Variants in TRAK1 observed in about 807,000 individuals in gnomAD.
TRAK1 encodes the protein trafficking kinesin-binding protein 1.
Under a neutral mutation model 92.1 loss-of-function variants are expected in TRAK1, and 33 were observed. That is an observed-to-expected ratio of 0.36 (90% CI 0.27 to 0.48). The LOEUF (loss-of-function observed/expected upper bound fraction) is 0.48, where lower values mean the gene tolerates loss of function less well. TRAK1 is among the 20% of genes least tolerant of loss of function. TRAK1 has a pLI of 0.99. For missense variants in TRAK1, 1,123 were observed against 1,257.9 expected, an observed-to-expected ratio of 0.89 and a Z score of 1.62; for synonymous variants, 521 against 517.3, an observed-to-expected ratio of 1.01 and a Z score of -0.10.
At chr3:42,157,148 T>G (rs1023351770) in intron 2 of TRAK1, among the ~76,000 whole-genome samples, 2 of 148,364 alleles carry the variant, frequency 1.3e-5, no homozygotes, top group African/African-American at 5.0e-5. Flanking sequence ...TGAGACTCTG[T>G]CTGGAAAAAA....
intron 2 of TRAK1, among the ~76,000 whole-genome samples, chr3:42,131,927 G>A (rs146112357): frequency 0.019 from 2,910 of 150,278 alleles, 93 homozygotes; most frequent in African/African-American, 0.068. Flanking sequence ...AAAAAGCTGG[G>A]TGTGATGGTA....
At chr3:42,103,585 C>T (rs931536947) in intron 1 of TRAK1, among the ~76,000 whole-genome samples, 11 of 152,078 alleles carry the variant, frequency 7.2e-5, no homozygotes, top group Admixed American at 4.6e-4. Context: ...GAGTGGTCAT[C>T]GATGCTATTC....
chr3:42,111,425 T>A (rs1378584578), intron 1 of TRAK1, among the ~76,000 whole-genome samples: 2 of 150,726 alleles, frequency 1.3e-5, no homozygotes, highest in African/African-American at 4.9e-5. Context: ...AGACGGAGTC[T>A]CACTCTGTCG....
chr3:42,201,197 G>T, intron 12 of TRAK1, 143 bp downstream of exon 12: 1 of 870,272 alleles, frequency 1.1e-6, no homozygotes, highest in Non-Finnish European at 1.8e-6. Flanking sequence ...GGTGGCTCGC[G>T]CCTATAATCC....
At chr3:42,190,561 C>G (rs914270991) in intron 6 of TRAK1, among the ~76,000 whole-genome samples, 1 of 152,108 alleles carries the variant, frequency 6.6e-6, no homozygotes, top group Non-Finnish European at 1.5e-5. Flanking sequence ...CAGCACCTGC[C>G]CCAGGTAAAT....
At chr3:42,189,618 C>T (rs1705386498) in intron 6 of TRAK1, among the ~76,000 whole-genome samples, 1 of 152,078 alleles carries the variant, frequency 6.6e-6, no homozygotes, top group African/African-American at 2.4e-5. Flanking sequence ...GCAACCTTCG[C>T]CTCCCAGGTT....
rs139691590 is a variant in TRAK1, at chr3:42,211,521, G to A, written c.1963+1536G>A. 8,883 of 985,424 alleles carry A rather than the reference G, an allele frequency of 9.0e-3. 48 individuals carry two copies. Among genetic ancestry groups the A allele is most frequent in the South Asian group, 0.022 (459 of 21,284 alleles). 61.0% of individuals were successfully genotyped at this position (985,424 alleles called of 1,614,324 possible). On this transcript the variant is annotated intron_variant, in intron 14 of 15. Coordinates refer to ENST00000327628, the MANE Select transcript of TRAK1 (RefSeq NM_001042646.3). ...AGTGTCCGTCAGGAAGGCAGGTGGT[G>A]GTGCAGAAACATGATGCCTGGCTGA...
intron 1 of TRAK1, among the ~76,000 whole-genome samples, chr3:42,096,087 G>A (rs1247249907): frequency 2.0e-5 from 3 of 152,166 alleles, no homozygotes; most frequent in Non-Finnish European, 4.4e-5. Flanking sequence ...CCAGTTTATG[G>A]TATTTTGCTC....
At chr3:42,058,490 C>T (rs1451534861) in intron 1 of TRAK1, among the ~76,000 whole-genome samples, 1 of 152,148 alleles carries the variant, frequency 6.6e-6, no homozygotes, top group African/African-American at 2.4e-5. Context: ...GGCGCCCCCG[C>T]CACAACGCCC....
At position 42,215,093 on chromosome 3, in the gene TRAK1, C is replaced by T. The variant is rs373956057; in HGVS notation, c.1964-4401C>T. On this transcript the variant is annotated intron_variant, in intron 14 of 15. Coordinates refer to ENST00000327628, the MANE Select transcript of TRAK1 (RefSeq NM_001042646.3). Reference sequence around the variant, plus strand: ...TGACTCGTAGGGCAAACTATTTATGCAGCTTTTCCCACGTGAACTCATCAT... The same window carrying T: ...TGACTCGTAGGGCAAACTATTTATGTAGCTTTTCCCACGTGAACTCATCAT... 1.1e-4 allele frequency among the ~76,000 whole-genome samples: 16 copies of T among 152,302 alleles called. No homozygotes were observed. The East Asian group carries it at 2.7e-3, about 26-fold the overall frequency.
chr3:42,107,364 T>C (rs944875644), intron 1 of TRAK1, among the ~76,000 whole-genome samples: 2 of 151,954 alleles, frequency 1.3e-5, no homozygotes, highest in Non-Finnish European at 2.9e-5. Flanking sequence ...ATACGAAAAT[T>C]AGCCTGGCGT....
At chr3:42,029,856 AT>A (rs1219195320) in intron 1 of TRAK1, among the ~76,000 whole-genome samples, 2 of 152,062 alleles carry the variant, frequency 1.3e-5, no homozygotes, top group Non-Finnish European at 1.5e-5. Context: ...GCCCTGATTG[AT>A]TTTTTAAATG....
chr3:42,154,392 C>G (rs1048914687), intron 2 of TRAK1, among the ~76,000 whole-genome samples: 1 of 152,134 alleles, frequency 6.6e-6, no homozygotes, highest in African/African-American at 2.4e-5. Flanking sequence ...AGGCTGGTCT[C>G]GAACTCCTGA....
At chr3:42,118,792 G>T (rs1256213251) in intron 1 of TRAK1, among the ~76,000 whole-genome samples, 1 of 152,202 alleles carries the variant, frequency 6.6e-6, no homozygotes, top group Non-Finnish European at 1.5e-5. Flanking sequence ...GTCCTTTTAG[G>T]TTATTTTACT....
At position 42,024,101 on chromosome 3, in the gene TRAK1, G is replaced by C. The variant is rs138183016; in HGVS notation, c.-519+9984G>C. On this transcript the variant is annotated intron_variant, in intron 1 of 16. Transcript: ENST00000487159. ...AGATGTTTAGGGCAGTGGGACGTCT[G>C]GGCCTGACACTTCGAAGAGGGATAG... Among the ~76,000 whole-genome samples, 42 of 152,172 alleles carry C rather than the reference G, an allele frequency of 2.8e-4. No individual in the cohort carries two copies. The East Asian group carries it at 5.4e-3, about 20-fold the overall frequency.
At chr3:42,216,474 ACT>A (rs1030112814) in intron 14 of TRAK1, among the ~76,000 whole-genome samples, 2 of 152,106 alleles carry the variant, frequency 1.3e-5, no homozygotes, top group Non-Finnish European at 2.9e-5. Context: ...GTGAGGTCTC[ACT>A]CTGTAAGAGT....
At chr3:42,020,527 A>G (rs1701684785) in intron 1 of TRAK1, among the ~76,000 whole-genome samples, 1 of 152,172 alleles carries the variant, frequency 6.6e-6, no homozygotes, top group African/African-American at 2.4e-5. Context: ...TGGTTATATC[A>G]TGATTTGTTC....
At chr3:42,097,722 T>C (rs1706145012) in intron 1 of TRAK1, among the ~76,000 whole-genome samples, 1 of 152,250 alleles carries the variant, frequency 6.6e-6, no homozygotes, top group Non-Finnish European at 1.5e-5. Flanking sequence ...GGATTTCGAA[T>C]TCTGGATTTT....
chr3:42,148,149 C>A (rs1429121114), intron 2 of TRAK1, among the ~76,000 whole-genome samples: 1 of 152,138 alleles, frequency 6.6e-6, no homozygotes, highest in East Asian at 1.9e-4. Context: ...GGGCAAGGTT[C>A]TCAACCAAGC....
Sources: allele counts gnomAD v4.1 joint callset (sites outside exome capture counted in the v4.1 genomes callset), GRCh38; gene constraint gnomAD v4.1.1; transcripts MANE v1.5; gene names NCBI Gene and HGNC (gene_info 2026-07-23, HGNC 2026-07-21).